Variants in RBFOX1 observed in about 807,000 individuals in gnomAD.
RBFOX1 encodes RNA binding protein fox-1 homolog 1.
In RBFOX1, 8 loss-of-function variants were observed where a neutral mutation model predicts 57.7. The ratio of observed to expected loss-of-function variants is 0.14; its 90% CI spans 0.08 to 0.25. RBFOX1 has a LOEUF of 0.25. Ranked by LOEUF, RBFOX1 falls within the 10% of genes least tolerant of loss-of-function variation. RBFOX1 has a pLI of 1.00. For missense variants in RBFOX1, 611 were observed against 548.5 expected (o/e 1.11, Z -1.14); for synonymous variants, 326 against 222.4 (o/e 1.47, Z -4.15).
intron 3 of RBFOX1, among the ~76,000 whole-genome samples, chr16:7,047,716 CTTTTTTTTTTTTTTTTTTT>C (rs55636828): frequency 4.2e-5 from 2 of 47,914 alleles, no homozygotes; most frequent in Non-Finnish European, 9.5e-5. Context: ...TCCTGCATTT[CTTTTTTTTTTTTTTTTTTT>C]TTTTTTTTTT....
chr16:7,152,484 C>G (rs1191657945), intron 4 of RBFOX1, among the ~76,000 whole-genome samples: 2 of 152,122 alleles, frequency 1.3e-5, no homozygotes, highest in Non-Finnish European at 2.9e-5. Flanking sequence ...TTTATTTCAA[C>G]TAGGATCTTT....
At chr16:5,668,801 G>T (rs2049929651) in intron 3 of RBFOX1, among the ~76,000 whole-genome samples, 1 of 152,122 alleles carries the variant, frequency 6.6e-6, no homozygotes, top group Admixed American at 6.5e-5. Flanking sequence ...TCTCGGAAAT[G>T]CTCGTAGCTG....
At chr16:7,011,799 C>A (rs1431963992) in intron 3 of RBFOX1, among the ~76,000 whole-genome samples, 3 of 152,200 alleles carry the variant, frequency 2.0e-5, no homozygotes, top group Non-Finnish European at 4.4e-5. Flanking sequence ...CAGGCGTGAG[C>A]CGCCGCACCG....
chr16:6,815,390 A>G (rs1342543295), intron 3 of RBFOX1, among the ~76,000 whole-genome samples: 2 of 152,164 alleles, frequency 1.3e-5, no homozygotes, highest in Non-Finnish European at 2.9e-5. Flanking sequence ...GCAGCCCAGT[A>G]GATCTCAGCC....
intron 2 of RBFOX1, chr16:6,483,639 C>T (rs2095411543): frequency 1.4e-6 from 2 of 1,452,038 alleles, no homozygotes; most frequent in East Asian, 5.4e-5. Flanking sequence ...GCAGCTTCTG[C>T]AGAGGCTTCC....
intron 4 of RBFOX1, among the ~76,000 whole-genome samples, chr16:7,067,776 A>G (rs1351460679): frequency 6.8e-6 from 1 of 146,520 alleles, no homozygotes. Context: ...ATGAGTGAGA[A>G]TATGTGTTGT....
intron 3 of RBFOX1, among the ~76,000 whole-genome samples, chr16:5,826,566 G>A (rs979195438): frequency 1.3e-5 from 2 of 152,220 alleles, no homozygotes; most frequent in Non-Finnish European, 1.5e-5. Context: ...GTGGTTGTGT[G>A]TCAAGAAAAC....
At chr16:6,881,879 G>A (rs78964501) in intron 3 of RBFOX1, among the ~76,000 whole-genome samples, 1 of 152,160 alleles carries the variant, frequency 6.6e-6, no homozygotes, top group African/African-American at 2.4e-5. Context: ...TGTAGTAAAA[G>A]TTTCACAGCT....
At chr16:6,278,528 C>T (rs536122939) in intron 1 of RBFOX1, among the ~76,000 whole-genome samples, 51 of 151,786 alleles carry the variant, frequency 3.4e-4, no homozygotes, top group African/African-American at 1.2e-3. Context: ...TAAGTGGGCA[C>T]CCAAAGAAGA....
intron 5 of RBFOX1, among the ~76,000 whole-genome samples, chr16:7,575,498 G>C (rs1288709956): frequency 1.3e-5 from 2 of 152,088 alleles, no homozygotes; most frequent in Non-Finnish European, 2.9e-5. Context: ...GAGGGAAGTA[G>C]GGACTGTGGA....
At chr16:5,726,445 A>G (rs1596987017) in intron 3 of RBFOX1, among the ~76,000 whole-genome samples, 1 of 152,154 alleles carries the variant, frequency 6.6e-6, no homozygotes, top group African/African-American at 2.4e-5. Flanking sequence ...CAAGGTCGCC[A>G]CCAGCAAGCC....
At chr16:5,278,522 G>C (rs2063195610) in intron 1 of RBFOX1, among the ~76,000 whole-genome samples, 1 of 152,156 alleles carries the variant, frequency 6.6e-6, no homozygotes, top group African/African-American at 2.4e-5. Flanking sequence ...GCCATCTTGA[G>C]TTAATTTTTA....
intron 4 of RBFOX1, among the ~76,000 whole-genome samples, chr16:7,087,910 C>T (rs552153957): frequency 4.9e-4 from 75 of 152,208 alleles, no homozygotes; most frequent in Middle Eastern, 3.4e-3. Flanking sequence ...CTCTCTCTCT[C>T]GCTCTCTCTT....
At chr16:5,304,472 T>G (rs17182688) in intron 1 of RBFOX1, among the ~76,000 whole-genome samples, 20,818 of 152,156 alleles carry the variant, frequency 0.14, 1,651 homozygotes, top group Non-Finnish European at 0.18. Context: ...TTTAGGGGAG[T>G]TGAGTCTGTC....
At chr16:7,702,634 G>A (rs936540111) in intron 14 of RBFOX1, among the ~76,000 whole-genome samples, 1 of 152,150 alleles carries the variant, frequency 6.6e-6, no homozygotes, top group Non-Finnish European at 1.5e-5. Flanking sequence ...CTCCCCTTCT[G>A]GTCTTGTTCT....
At chr16:5,651,284 C>T (rs2151363081) in intron 3 of RBFOX1, among the ~76,000 whole-genome samples, 1 of 152,108 alleles carries the variant, frequency 6.6e-6, no homozygotes, top group East Asian at 1.9e-4. Flanking sequence ...AACTCCTGGC[C>T]TCACGTGACC....
intron 4 of RBFOX1, among the ~76,000 whole-genome samples, chr16:5,879,457 G>A (rs1297445022): frequency 9.9e-5 from 15 of 152,162 alleles, no homozygotes; most frequent in Admixed American, 9.8e-4. Context: ...AGGCTCCTAG[G>A]TAACCGGGAC....
chr16:6,052,108 C>G (rs1379770655), intron 1 of RBFOX1, among the ~76,000 whole-genome samples: 4 of 152,144 alleles, frequency 2.6e-5, no homozygotes, highest in South Asian at 2.1e-4. Flanking sequence ...CTGCCATGCC[C>G]TTGTTCAGAA....
intron 3 of RBFOX1, among the ~76,000 whole-genome samples, chr16:6,881,112 C>T (rs1049749947): frequency 6.6e-6 from 1 of 152,180 alleles, no homozygotes; most frequent in Non-Finnish European, 1.5e-5. Flanking sequence ...TCTTACCATG[C>T]TTCTCAGTGA....
Sources: allele counts gnomAD v4.1 joint callset (sites outside exome capture counted in the v4.1 genomes callset), GRCh38; gene constraint gnomAD v4.1.1; transcripts MANE v1.5; gene names NCBI Gene and HGNC (gene_info 2026-07-23, HGNC 2026-07-21).